NELL1: variants seen among roughly 807,000 people sequenced by gnomAD.
NELL1 encodes protein kinase C-binding protein NELL1.
A neutral mutation model predicts 107.4 loss-of-function variants in NELL1; 76 were observed. That is an observed-to-expected ratio of 0.71 (90% CI 0.59 to 0.86). The LOEUF is 0.86. Among genes scored for constraint, NELL1 ranks in the 40% least tolerant of loss-of-function variants. The pLI is 0.00. For missense variants in NELL1, 1,024 were observed against 1,005.5 expected, an observed-to-expected ratio of 1.02 and a Z score of -0.25; for synonymous variants, 353 against 341.2, an observed-to-expected ratio of 1.03 and a Z score of -0.38.
intron 3 of NELL1, among the ~76,000 whole-genome samples, chr11:20,816,350 G>A (rs1289643542): frequency 2.6e-5 from 4 of 152,152 alleles, no homozygotes; most frequent in African/African-American, 9.7e-5. Context: ...AGTTGTCCAT[G>A]TAGAGATCTT....
chr11:21,045,101 G>A (rs1327463772), intron 12 of NELL1, among the ~76,000 whole-genome samples: 1 of 152,178 alleles, frequency 6.6e-6, no homozygotes, highest in Non-Finnish European at 1.5e-5. Flanking sequence ...GGCAAGTAAA[G>A]GCAGGAGGGC....
chr11:21,526,053 C>T (rs1192668273), intron 15 of NELL1, among the ~76,000 whole-genome samples: 1 of 152,180 alleles, frequency 6.6e-6, no homozygotes, highest in East Asian at 1.9e-4. Flanking sequence ...TCTCATCTGA[C>T]ACAAGGCAAG....
Position 20,775,659 on chromosome 11 carries a change from A to T in NELL1, c.185-8021A>T, listed in dbSNP as rs576616344. On this transcript the variant is annotated intron_variant, in intron 2 of 19. Transcript: ENST00000357134. ...GTGGCAGTGTGGAGAGGCAGCCTAAAGAGGAGTGGCTACACATGTTTAATT... is the reference window on the plus strand; with the variant it reads ...GTGGCAGTGTGGAGAGGCAGCCTAATGAGGAGTGGCTACACATGTTTAATT... 2.0e-3 allele frequency among the ~76,000 whole-genome samples: 300 copies of T among 152,292 alleles called. 1 individual carries two copies. Among genetic ancestry groups the T allele is most frequent in the African/African-American group, 6.7e-3 (279 of 41,554 alleles).
chr11:20,795,228 A>G (rs1857147278), intron 3 of NELL1, among the ~76,000 whole-genome samples: 1 of 152,204 alleles, frequency 6.6e-6, no homozygotes, highest in African/African-American at 2.4e-5. Flanking sequence ...CTCCCTAGGT[A>G]ACTGAGCCAA....
chr11:20,880,688 C>T (rs1322773922), intron 4 of NELL1, among the ~76,000 whole-genome samples: 2 of 152,094 alleles, frequency 1.3e-5, no homozygotes, highest in African/African-American at 4.8e-5. Context: ...TTCAGAATAT[C>T]CTCTCCATCT....
chr11:21,145,224 G>A (rs1237905280), intron 13 of NELL1, among the ~76,000 whole-genome samples: 2 of 152,036 alleles, frequency 1.3e-5, no homozygotes, highest in Non-Finnish European at 2.9e-5. Flanking sequence ...TCAGTGAGTA[G>A]GTATTATTAT....
At chr11:21,537,722 C>T (rs540179125) in intron 16 of NELL1, among the ~76,000 whole-genome samples, 1 of 152,224 alleles carries the variant, frequency 6.6e-6, no homozygotes, top group African/African-American at 2.4e-5. Context: ...AAAGAGAAGG[C>T]ATTCAATGCA....
At chr11:20,926,083 A>G (rs1850489771) in intron 7 of NELL1, among the ~76,000 whole-genome samples, 1 of 152,210 alleles carries the variant, frequency 6.6e-6, no homozygotes, top group Non-Finnish European at 1.5e-5. Context: ...TTGAGAAGGA[A>G]AAGAGAAACT....
intron 14 of NELL1, among the ~76,000 whole-genome samples, chr11:21,269,376 T>TCTCA (rs1554990563): frequency 2.3e-4 from 33 of 145,526 alleles, no homozygotes; most frequent in South Asian, 1.3e-3. Context: ...TCTCTCTCTC[T>TCTCA]CACACACACA....
At chr11:21,564,011 A>G (rs1195517120) in intron 17 of NELL1, among the ~76,000 whole-genome samples, 1 of 152,004 alleles carries the variant, frequency 6.6e-6, no homozygotes. Context: ...TAAGAAGGGT[A>G]TAGTCACTGA....
At chr11:21,321,482 T>C (rs1328312430) in intron 14 of NELL1, among the ~76,000 whole-genome samples, 1 of 152,140 alleles carries the variant, frequency 6.6e-6, no homozygotes, top group African/African-American at 2.4e-5. Context: ...TTATCTCATA[T>C]AAATGTTATC....
intron 15 of NELL1, among the ~76,000 whole-genome samples, chr11:21,455,613 G>T (rs1038811927): frequency 6.6e-6 from 1 of 152,014 alleles, no homozygotes; most frequent in East Asian, 1.9e-4. Flanking sequence ...AATTATAGGC[G>T]AGGACAACCA....
At chr11:21,506,272 C>G (rs116377218) in intron 15 of NELL1, among the ~76,000 whole-genome samples, 1 of 152,100 alleles carries the variant, frequency 6.6e-6, no homozygotes. Flanking sequence ...GATACAGACC[C>G]GCAGAGTCAC....
intron 12 of NELL1, among the ~76,000 whole-genome samples, chr11:21,013,278 AC>A (rs375835320): frequency 1.6e-3 from 238 of 152,212 alleles, no homozygotes; most frequent in African/African-American, 4.4e-3. Context: ...ACCCGCTGGG[AC>A]CTGCTGGCTT....
chr11:21,292,255 C>G (rs951136978), intron 14 of NELL1, among the ~76,000 whole-genome samples: 2 of 152,080 alleles, frequency 1.3e-5, no homozygotes, highest in Non-Finnish European at 2.9e-5. Context: ...AATCAATGTG[C>G]AAAAATCACA....
At chr11:21,098,575 G>A (rs1351845293) in intron 12 of NELL1, among the ~76,000 whole-genome samples, 2 of 152,158 alleles carry the variant, frequency 1.3e-5, no homozygotes, top group Non-Finnish European at 2.9e-5. Flanking sequence ...CAGTAGAGTA[G>A]TATTTGGAAA....
At chr11:20,867,110 C>T (rs2134082454) in intron 4 of NELL1, among the ~76,000 whole-genome samples, 1 of 152,060 alleles carries the variant, frequency 6.6e-6, no homozygotes, top group Non-Finnish European at 1.5e-5. Flanking sequence ...TACTCAGGGC[C>T]CCAAAAGAAG....
chr11:21,102,196 T>C (rs533183046), intron 12 of NELL1, among the ~76,000 whole-genome samples: 3 of 152,320 alleles, frequency 2.0e-5, no homozygotes, highest in Admixed American at 2.0e-4. Flanking sequence ...AATTATTGCT[T>C]CCCTAAGGAG....
intron 9 of NELL1, among the ~76,000 whole-genome samples, chr11:20,929,152 A>G (rs1247926498): frequency 2.6e-5 from 4 of 152,206 alleles, no homozygotes; most frequent in Non-Finnish European, 4.4e-5. Context: ...ACAGAAAACT[A>G]GTTCTGTTGA....
Sources: allele counts gnomAD v4.1 joint callset (sites outside exome capture counted in the v4.1 genomes callset), GRCh38; gene constraint gnomAD v4.1.1; transcripts MANE v1.5; gene names NCBI Gene and HGNC (gene_info 2026-07-23, HGNC 2026-07-21).